RBFOX1: variants seen among roughly 807,000 people sequenced by gnomAD.
The protein encoded by RBFOX1 is RNA binding fox-1 homolog 1.
In RBFOX1, 8 loss-of-function variants were observed where a neutral mutation model predicts 57.7. The ratio of observed to expected loss-of-function variants is 0.14; its 90% CI spans 0.08 to 0.25. The LOEUF is 0.25. Among genes scored for constraint, RBFOX1 ranks in the 10% least tolerant of loss-of-function variants. The pLI is 1.00. For synonymous variants in RBFOX1, 326 were observed against 222.4 expected (o/e 1.47, Z -4.15); for missense variants, 611 against 548.5 (o/e 1.11, Z -1.14).
chr16:5,776,392 CG>C (rs1237651228), intron 3 of RBFOX1, among the ~76,000 whole-genome samples: 1 of 152,180 alleles, frequency 6.6e-6, no homozygotes, highest in East Asian at 1.9e-4. Context: ...CATGAGACCA[CG>C]GCCACCATTT....
chr16:5,767,738 G>C (rs1014086276), intron 3 of RBFOX1, among the ~76,000 whole-genome samples: 5 of 152,168 alleles, frequency 3.3e-5, no homozygotes, highest in African/African-American at 1.2e-4. Context: ...CCTGTTTGCT[G>C]TAATTAGATA....
chr16:5,771,795 G>T (rs1401003936), intron 3 of RBFOX1, among the ~76,000 whole-genome samples: 2 of 152,198 alleles, frequency 1.3e-5, no homozygotes, highest in Non-Finnish European at 2.9e-5. Context: ...TGCAGTGTTT[G>T]TGTGTGTGCA....
intron 1 of RBFOX1, among the ~76,000 whole-genome samples, chr16:6,154,264 G>A (rs2152730698): frequency 6.6e-6 from 1 of 152,298 alleles, no homozygotes; most frequent in South Asian, 2.1e-4. Context: ...AGTAATTACG[G>A]TTTTTGCTTT....
At chr16:5,397,178 A>G (rs1288350613) in intron 1 of RBFOX1, among the ~76,000 whole-genome samples, 5 of 152,248 alleles carry the variant, frequency 3.3e-5, no homozygotes, top group Non-Finnish European at 5.9e-5. Flanking sequence ...GTCACCCTGG[A>G]GGTGACTCTC....
chr16:6,332,131 T>C (rs373814413), intron 2 of RBFOX1, among the ~76,000 whole-genome samples: 1 of 152,202 alleles, frequency 6.6e-6, no homozygotes, highest in South Asian at 2.1e-4. Context: ...AGTGCTAATA[T>C]GTGGATGCCT....
At chr16:5,463,486 A>G (rs1416051384) in intron 1 of RBFOX1, among the ~76,000 whole-genome samples, 1 of 152,148 alleles carries the variant, frequency 6.6e-6, no homozygotes, top group African/African-American at 2.4e-5. Flanking sequence ...GTGCTTAAAG[A>G]TGCATAAAAG....
chr16:6,919,632 G>C (rs1018416772), intron 3 of RBFOX1, among the ~76,000 whole-genome samples: 3 of 152,096 alleles, frequency 2.0e-5, no homozygotes, highest in Admixed American at 6.6e-5. Context: ...TGGAAATTCC[G>C]TCCTTTTTGT....
intron 1 of RBFOX1, among the ~76,000 whole-genome samples, chr16:6,278,646 A>T (rs1189289878): frequency 6.6e-6 from 1 of 151,722 alleles, no homozygotes; most frequent in Non-Finnish European, 1.5e-5. Flanking sequence ...TTAGGTTGTT[A>T]AAAAAAAGTC....
chr16:6,822,077 A>AT (rs1225455276), intron 3 of RBFOX1, among the ~76,000 whole-genome samples: 1 of 152,168 alleles, frequency 6.6e-6, no homozygotes, highest in Non-Finnish European at 1.5e-5. Context: ...TGCCAGTGAA[A>AT]TGGTTGCGTG....
At chr16:5,519,725 A>C (rs2043938271) in intron 2 of RBFOX1, among the ~76,000 whole-genome samples, 1 of 152,234 alleles carries the variant, frequency 6.6e-6, no homozygotes, top group African/African-American at 2.4e-5. Context: ...ATGGTGTCTC[A>C]GAAAAAAATG....
intron 4 of RBFOX1, among the ~76,000 whole-genome samples, chr16:5,930,863 T>C (rs1032547215): frequency 8.7e-5 from 12 of 138,094 alleles, no homozygotes; most frequent in Non-Finnish European, 1.9e-4. Flanking sequence ...GATGCATGGA[T>C]GGATGTATGG....
chr16:6,796,814 T>A (rs2084169259), intron 3 of RBFOX1, among the ~76,000 whole-genome samples: 1 of 152,212 alleles, frequency 6.6e-6, no homozygotes, highest in Non-Finnish European at 1.5e-5. Flanking sequence ...AATATCTACA[T>A]TGTTTCTTTG....
At chr16:6,250,715 G>A (rs751337349) in intron 1 of RBFOX1, among the ~76,000 whole-genome samples, 9 of 152,284 alleles carry the variant, frequency 5.9e-5, no homozygotes, top group Middle Eastern at 3.4e-3. Flanking sequence ...TTGCAGAGAG[G>A]AAACAGACCA....
At chr16:6,863,629 G>C (rs998252847) in intron 3 of RBFOX1, among the ~76,000 whole-genome samples, 2 of 129,898 alleles carry the variant, frequency 1.5e-5, no homozygotes, top group African/African-American at 3.0e-5. Context: ...GAGGGAGAGA[G>C]AATGGCATCA....
Position 6,599,954 on chromosome 16 carries a change from T to C in RBFOX1, c.-63-54649T>C, listed in dbSNP as rs1239708045. On this transcript the variant is annotated intron_variant, in intron 2 of 15. Transcript: ENST00000550418. ...ACAATCAACAAAGCATTGAACGCAGTCCATAACTCACAGTAAGGTATGCAA... is the reference window on the plus strand; with the variant it reads ...ACAATCAACAAAGCATTGAACGCAGCCCATAACTCACAGTAAGGTATGCAA... Among the ~76,000 whole-genome samples, 3 of 152,152 alleles carry C rather than the reference T, an allele frequency of 2.0e-5. No individual in the cohort carries two copies. In the East Asian group the frequency reaches 5.8e-4, roughly 29 times the overall value.
intron 4 of RBFOX1, among the ~76,000 whole-genome samples, chr16:7,435,557 G>T (rs2098714931): frequency 6.6e-6 from 1 of 152,176 alleles, no homozygotes; most frequent in Non-Finnish European, 1.5e-5. Flanking sequence ...TGAAGCAGCA[G>T]CATCTACATC....
chr16:5,328,937 T>A (rs1165686810), intron 1 of RBFOX1, among the ~76,000 whole-genome samples: 1 of 152,226 alleles, frequency 6.6e-6, no homozygotes, highest in Non-Finnish European at 1.5e-5. Context: ...CTACCCTTAG[T>A]TTCCAGGAGA....
chr16:6,558,994 A>C (rs751199648), intron 2 of RBFOX1, among the ~76,000 whole-genome samples: 6 of 152,084 alleles, frequency 3.9e-5, no homozygotes, highest in Non-Finnish European at 8.8e-5. Context: ...TTCCTCCAGG[A>C]AAGTCTTTCC....
At chr16:7,249,271 C>G (rs1014436080) in intron 4 of RBFOX1, among the ~76,000 whole-genome samples, 1 of 151,992 alleles carries the variant, frequency 6.6e-6, no homozygotes, top group African/African-American at 2.4e-5. Flanking sequence ...TTGTCTTTTT[C>G]TTTCCTTCTT....
Sources: gnomAD v4.1 joint callset for allele counts (sites outside exome capture counted in the v4.1 genomes callset) on GRCh38, gnomAD v4.1.1 for gene constraint, MANE v1.5 for transcripts, NCBI Gene and HGNC (gene_info 2026-07-23, HGNC 2026-07-21) for gene names.